Variants in EVL observed in about 807,000 individuals in gnomAD.
EVL encodes the protein ena/VASP-like protein.
In EVL, 21 loss-of-function variants were observed where a neutral mutation model predicts 59.6. The observed-to-expected ratio is 0.35, with a 90% CI of 0.25 to 0.51. The LOEUF is 0.51. Ranked by LOEUF, EVL falls within the 20% of genes least tolerant of loss-of-function variation. The pLI, the probability that EVL is intolerant of heterozygous loss-of-function variation, is 0.97. For missense variants in EVL, 462 were observed against 546.6 expected, an observed-to-expected ratio of 0.85 and a Z score of 1.54; for synonymous variants, 198 against 203.5, an observed-to-expected ratio of 0.97 and a Z score of 0.23.
At chr14:100,141,346 A>G (rs1889152640) in intron 12 of EVL, 100 bp downstream of exon 12, 5 of 1,339,122 alleles carry the variant, frequency 3.7e-6, no homozygotes, top group Admixed American at 2.0e-5. Context: ...GGGGGCCCAC[A>G]TGTAGCTGCC....
At chr14:100,096,458 G>A (rs1204976046) in intron 2 of EVL, among the ~76,000 whole-genome samples, 1 of 152,176 alleles carries the variant, frequency 6.6e-6, no homozygotes, top group Non-Finnish European at 1.5e-5. Context: ...GCCAGGAGCT[G>A]TGTCAGTTAC....
At chr14:99,982,243 G>T (rs569443467) in intron 1 of EVL, among the ~76,000 whole-genome samples, 1 of 152,242 alleles carries the variant, frequency 6.6e-6, no homozygotes, top group Non-Finnish European at 1.5e-5. Context: ...TTGTACATTT[G>T]ATATATGTGC....
intron 3 of EVL, among the ~76,000 whole-genome samples, chr14:100,122,147 C>T (rs997487418): frequency 6.6e-6 from 1 of 152,256 alleles, no homozygotes. Flanking sequence ...AGTCAGGGGG[C>T]GGGGGGACAC....
At chr14:100,003,075 G>A (rs1191004) in intron 1 of EVL, among the ~76,000 whole-genome samples, 28,198 of 152,114 alleles carry the variant, frequency 0.19, 3,311 homozygotes, top group East Asian at 0.46. Context: ...TACCTATGAC[G>A]TTAATGGTTA....
intron 1 of EVL, among the ~76,000 whole-genome samples, chr14:100,047,774 C>A (rs987622761): frequency 6.6e-6 from 1 of 152,168 alleles, no homozygotes; most frequent in Non-Finnish European, 1.5e-5. Flanking sequence ...AGTTACCCTA[C>A]AGAGAGCTTG....
At chr14:100,075,583 C>T (rs2062143203) in intron 1 of EVL, among the ~76,000 whole-genome samples, 1 of 152,192 alleles carries the variant, frequency 6.6e-6, no homozygotes, top group African/African-American at 2.4e-5. Flanking sequence ...GGGCCAGAGG[C>T]ACCAGGCTAC....
At chr14:100,044,735 G>A (rs1453137328) in intron 1 of EVL, among the ~76,000 whole-genome samples, 1 of 152,156 alleles carries the variant, frequency 6.6e-6, no homozygotes, top group Admixed American at 6.5e-5. Flanking sequence ...ACCTAAGCAG[G>A]GGTGGTCCTC....
At chr14:100,053,985 G>A (rs370236344) in intron 1 of EVL, among the ~76,000 whole-genome samples, 57 of 146,164 alleles carry the variant, frequency 3.9e-4, no homozygotes, top group African/African-American at 1.4e-3. Flanking sequence ...AGGAAGTTCC[G>A]TATTAATTAG....
chr14:100,103,080 A>T (rs1430653154), intron 3 of EVL, among the ~76,000 whole-genome samples: 1 of 146,878 alleles, frequency 6.8e-6, no homozygotes, highest in African/African-American at 2.6e-5. Flanking sequence ...CCAGCCTGGC[A>T]ACAGAGCAAG....
intron 1 of EVL, among the ~76,000 whole-genome samples, chr14:99,986,015 G>T (rs1318994191): frequency 6.6e-6 from 1 of 152,030 alleles, no homozygotes; most frequent in Non-Finnish European, 1.5e-5. Flanking sequence ...GTATTGGCTG[G>T]GCACGATGGC....
At chr14:100,049,762 A>G (rs1272820847) in intron 1 of EVL, among the ~76,000 whole-genome samples, 2 of 152,262 alleles carry the variant, frequency 1.3e-5, no homozygotes, top group African/African-American at 4.8e-5. Context: ...TTATCACCCC[A>G]AAAGTAGATT....
chr14:100,061,101 C>T (rs757587403), upstream of EVL, among the ~76,000 whole-genome samples: 7 of 151,654 alleles, frequency 4.6e-5, no homozygotes, highest in Non-Finnish European at 1.0e-4. Context: ...ACAGAAAATC[C>T]TAAAGGAGGC....
At chr14:100,013,595 C>A (rs1595562684) in intron 1 of EVL, among the ~76,000 whole-genome samples, 1 of 152,170 alleles carries the variant, frequency 6.6e-6, no homozygotes, top group African/African-American at 2.4e-5. Context: ...CGAGGGTCCC[C>A]TGGCCATTGG....
chr14:100,003,366 A>G (rs2060958007), intron 1 of EVL, among the ~76,000 whole-genome samples: 1 of 152,230 alleles, frequency 6.6e-6, no homozygotes, highest in Admixed American at 6.5e-5. Context: ...CTTTAAAAGC[A>G]CATACAGAAA....
chr14:100,107,543 C>G, intron 3 of EVL: 1 of 372,538 alleles, frequency 2.7e-6, no homozygotes, highest in Non-Finnish European at 4.8e-6. Flanking sequence ...CTAGCATTCC[C>G]TCATGAAAGA....
At chr14:99,990,821 A>G (rs925194389) in intron 1 of EVL, among the ~76,000 whole-genome samples, 1 of 152,168 alleles carries the variant, frequency 6.6e-6, no homozygotes, top group Admixed American at 6.5e-5. Flanking sequence ...GAGCATGAGT[A>G]TGCAGATATC....
intron 1 of EVL, among the ~76,000 whole-genome samples, chr14:100,048,755 CAAAA>C (rs1004929983): frequency 2.0e-5 from 3 of 151,698 alleles, no homozygotes; most frequent in East Asian, 1.9e-4. Context: ...AAAAAACAAA[CAAAA>C]AAAACACTAA....
chr14:100,028,683 C>T (rs1334182760), intron 1 of EVL, among the ~76,000 whole-genome samples: 1 of 152,126 alleles, frequency 6.6e-6, no homozygotes, highest in Admixed American at 6.6e-5. Context: ...TGGTGACACG[C>T]ACCTGTAGTC....
rs771546352 is a variant in EVL, at chr14:100,084,718, G to C, written c.43G>C (p.Val15Leu). Residue 15 changes from valine to leucine, a missense_variant, in exon 2 of 14, where the codon GTG becomes CTG. By Grantham distance (32) the Val-to-Leu change is conservative. Transcript: ENST00000392920. ...EQSICQARAS[V>L]MVYDDTSKKW... is the part of the protein sequence containing the mutation. ...GAGTATCTGCCAAGCCCGGGCTTCC[G>C]TGATGGTCTACGATGACACCAGTAA... 1 of 1,614,042 alleles carries C rather than the reference G, an allele frequency of 6.2e-7. No homozygotes were observed.
Sources: gnomAD v4.1 joint callset for allele counts (sites outside exome capture counted in the v4.1 genomes callset) on GRCh38, gnomAD v4.1.1 for gene constraint, MANE v1.5 for transcripts, NCBI Gene and HGNC (gene_info 2026-07-23, HGNC 2026-07-21) for gene names.